Variants in RPS6KC1 observed in about 807,000 individuals in gnomAD.
RPS6KC1 encodes the protein ribosomal protein S6 kinase C1.
Under a neutral mutation model 103.8 loss-of-function variants are expected in RPS6KC1, and 54 were observed. That is an observed-to-expected ratio of 0.52 (90% CI 0.42 to 0.65). The LOEUF is 0.65. RPS6KC1 is among the 30% of genes least tolerant of loss of function. The probability of loss-of-function intolerance (pLI) is 0.00; values close to 1 mark genes in which losing one functional copy is unlikely to be tolerated. For synonymous variants in RPS6KC1, 439 were observed against 438.7 expected, an observed-to-expected ratio of 1.00 and a Z score of -0.01; for missense variants, 1,151 against 1,253.8, an observed-to-expected ratio of 0.92 and a Z score of 1.24.
the RPS6KC1 span, among the ~76,000 whole-genome samples, chr1:213,751,154 G>C: frequency 6.6e-6 from 1 of 152,226 alleles, no homozygotes; most frequent in African/African-American, 2.4e-5. Context: ...GATTATCAGA[G>C]TGTATCTGGC....
the RPS6KC1 span, among the ~76,000 whole-genome samples, chr1:213,536,523 G>T: frequency 6.6e-6 from 1 of 152,170 alleles, no homozygotes; most frequent in Admixed American, 6.5e-5. Flanking sequence ...ACAACACCTG[G>T]GGTATAGTGA....
chr1:213,808,561 C>T, the RPS6KC1 span, among the ~76,000 whole-genome samples: 6 of 152,208 alleles, frequency 3.9e-5, no homozygotes, highest in Non-Finnish European at 5.9e-5. Flanking sequence ...AGCAAGGCTC[C>T]GTGGGCGTAG....
intron 5 of RPS6KC1, among the ~76,000 whole-genome samples, chr1:213,123,855 CCCAT>C (rs2084679211): frequency 6.6e-6 from 1 of 152,098 alleles, no homozygotes; most frequent in Non-Finnish European, 1.5e-5. Context: ...TATATAGTCA[CCCAT>C]GAGAGACCAC....
At chr1:213,194,771 A>G (rs2092877707) in intron 8 of RPS6KC1, among the ~76,000 whole-genome samples, 1 of 152,214 alleles carries the variant, frequency 6.6e-6, no homozygotes, top group South Asian at 2.1e-4. Flanking sequence ...GTAGAACAGT[A>G]TCATCTCAAA....
the RPS6KC1 span, among the ~76,000 whole-genome samples, chr1:213,443,109 G>T: frequency 6.6e-6 from 1 of 152,178 alleles, no homozygotes; most frequent in African/African-American, 2.4e-5. Context: ...AGAAGTGGAG[G>T]TTGGAAATGG....
the RPS6KC1 span, among the ~76,000 whole-genome samples, chr1:213,577,153 C>T: frequency 6.6e-6 from 1 of 152,102 alleles, no homozygotes; most frequent in African/African-American, 2.4e-5. Flanking sequence ...AGTGGGTTTT[C>T]CTGTGCTGCT....
the RPS6KC1 span, among the ~76,000 whole-genome samples, chr1:213,305,069 G>A: frequency 6.6e-6 from 1 of 151,958 alleles, no homozygotes; most frequent in African/African-American, 2.4e-5. Flanking sequence ...CCTGTCTTTG[G>A]GAAACAGTCT....
the RPS6KC1 span, among the ~76,000 whole-genome samples, chr1:213,725,996 A>T: frequency 1.4e-4 from 22 of 152,268 alleles, no homozygotes; most frequent in African/African-American, 5.3e-4. Context: ...CGTGTTTTAA[A>T]CATCATTTAT....
At chr1:213,848,761 T>G in the RPS6KC1 span, among the ~76,000 whole-genome samples, 1 of 152,194 alleles carries the variant, frequency 6.6e-6, no homozygotes, top group African/African-American at 2.4e-5. Context: ...AACTAATATT[T>G]TCTTTTTGAT....
intron 6 of RPS6KC1, among the ~76,000 whole-genome samples, chr1:213,152,468 T>G (rs1324269028): frequency 2.7e-5 from 4 of 148,240 alleles, no homozygotes; most frequent in African/African-American, 5.1e-5. Flanking sequence ...GCGGAGGGGC[T>G]CCTCACTTCC....
At chr1:213,262,864 CA>C in intron 14 of RPS6KC1, 48 bp downstream of exon 14, 2 of 1,094,890 alleles carry the variant, frequency 1.8e-6, no homozygotes, top group Non-Finnish European at 2.8e-6. Flanking sequence ...TGCAGATTAG[CA>C]GAGCCCACAA....
At chr1:213,126,959 T>G (rs975806341) in intron 5 of RPS6KC1, among the ~76,000 whole-genome samples, 7 of 152,196 alleles carry the variant, frequency 4.6e-5, no homozygotes, top group African/African-American at 1.7e-4. Flanking sequence ...TAATTTTGAT[T>G]TAGTATATAA....
chr1:213,095,782 G>A (rs550306694), intron 3 of RPS6KC1, among the ~76,000 whole-genome samples: 10 of 152,160 alleles, frequency 6.6e-5, no homozygotes, highest in East Asian at 1.9e-4. Context: ...AAAAAAGTAC[G>A]TACCTTAATT....
At chr1:213,068,805 A>T (rs1397531786) in intron 1 of RPS6KC1, among the ~76,000 whole-genome samples, 1 of 151,266 alleles carries the variant, frequency 6.6e-6, no homozygotes, top group African/African-American at 2.4e-5. Flanking sequence ...TGATCCCAGG[A>T]ATTTGAGAGC....
chr1:213,191,561 A>G (rs921249536), intron 8 of RPS6KC1, among the ~76,000 whole-genome samples: 1 of 152,084 alleles, frequency 6.6e-6, no homozygotes, highest in Non-Finnish European at 1.5e-5. Context: ...TTTTTTTCAA[A>G]TGTAAAATCA....
chr1:213,167,690 A>G (rs1326991720), intron 6 of RPS6KC1, among the ~76,000 whole-genome samples, 168 bp from the exon 7 acceptor site: 1 of 152,214 alleles, frequency 6.6e-6, no homozygotes, highest in African/African-American at 2.4e-5. Flanking sequence ...ATGGGGGGTA[A>G]TAGTTAGACT....
chr1:213,771,376 G>A, the RPS6KC1 span, among the ~76,000 whole-genome samples: 125 of 152,270 alleles, frequency 8.2e-4, 1 homozygote, highest in African/African-American at 2.9e-3. Flanking sequence ...TGACAGAACC[G>A]CTCAGTAATT....
the RPS6KC1 span, among the ~76,000 whole-genome samples, chr1:213,478,016 C>T: frequency 4.5e-4 from 69 of 152,272 alleles, 1 homozygote; most frequent in Admixed American, 3.4e-3. Flanking sequence ...AAATCCTCTG[C>T]GCTCTGCCTA....
At chr1:213,159,921 C>T (rs1456374713) in intron 6 of RPS6KC1, among the ~76,000 whole-genome samples, 1 of 152,048 alleles carries the variant, frequency 6.6e-6, no homozygotes, top group Non-Finnish European at 1.5e-5. Flanking sequence ...TTAAAGTAAA[C>T]CAAATGAAAC....
Sources: gnomAD v4.1 joint callset for allele counts (sites outside exome capture counted in the v4.1 genomes callset) on GRCh38, gnomAD v4.1.1 for gene constraint, MANE v1.5 for transcripts, NCBI Gene and HGNC (gene_info 2026-07-23, HGNC 2026-07-21) for gene names.